The following FLYWCH1 variants were observed in gnomAD, a reference collection of about 807,000 sequenced individuals.
FLYWCH1 encodes FLYWCH-type zinc finger-containing protein 1.
In FLYWCH1, 75 loss-of-function variants were observed where a neutral mutation model predicts 66.4. The ratio of observed to expected loss-of-function variants is 1.13; its 90% CI spans 0.94 to 1.37. The LOEUF (loss-of-function observed/expected upper bound fraction) is 1.37. Among genes scored for constraint, FLYWCH1 ranks in the 40% most tolerant of loss-of-function variants. FLYWCH1 has a pLI of 0.00. For missense variants in FLYWCH1, 1,334 were observed against 1,001.8 expected (o/e 1.33, Z -4.48); for synonymous variants, 595 against 429.9 (o/e 1.38, Z -4.75).
At chr16:2,942,808 G>C (rs2151011770) in intron 9 of FLYWCH1, among the ~76,000 whole-genome samples, 1 of 135,852 alleles carries the variant, frequency 7.4e-6, no homozygotes, top group African/African-American at 2.8e-5. Flanking sequence ...CTCACTGCAA[G>C]ATCACTGTGA....
chr16:2,938,140 C>T (rs766308082), intron 7 of FLYWCH1, 44 bp from the exon 8 acceptor site: 2 of 1,588,846 alleles, frequency 1.3e-6, no homozygotes, highest in Non-Finnish European at 1.7e-6. Context: ...GCCCTGCCAC[C>T]CAGGCCCCTG....
chr16:2,931,694 C>G (rs12446084), intron 4 of FLYWCH1, among the ~76,000 whole-genome samples: 94,261 of 151,874 alleles, frequency 0.62, 30,196 homozygotes, highest in African/African-American at 0.77. Flanking sequence ...CCTAGGCCTG[C>G]TGCAGTGATT....
intron 2 of FLYWCH1, among the ~76,000 whole-genome samples, chr16:2,928,500 A>T (rs778585769): frequency 2.0e-5 from 3 of 152,202 alleles, no homozygotes; most frequent in Non-Finnish European, 4.4e-5. Flanking sequence ...ACTGTCTGCA[A>T]ACATATTGTT....
chr16:2,942,847 G>A (rs1276768396), intron 9 of FLYWCH1, among the ~76,000 whole-genome samples: 4 of 148,614 alleles, frequency 2.7e-5, no homozygotes, highest in African/African-American at 5.0e-5. Context: ...GATTAGAAGT[G>A]CGCACCACCA....
chr16:2,945,482 T>C (rs1395226088), intron 9 of FLYWCH1, among the ~76,000 whole-genome samples: 1 of 71,790 alleles, frequency 1.4e-5, no homozygotes, highest in Non-Finnish European at 2.4e-5. Context: ...CGAGACTCCA[T>C]CTCAAAAAAA....
chr16:2,916,623 C>T (rs570213865), intron 2 of FLYWCH1, among the ~76,000 whole-genome samples: 7 of 151,238 alleles, frequency 4.6e-5, no homozygotes, highest in Admixed American at 2.6e-4. Context: ...GGTGACAGAG[C>T]GAGACTCCAT....
At chr16:2,939,183 C>G (rs958990796) in intron 8 of FLYWCH1, among the ~76,000 whole-genome samples, 1 of 152,176 alleles carries the variant, frequency 6.6e-6, no homozygotes. Context: ...CAGTGGCTCA[C>G]GCCTGTAATC....
Position 2,938,239 on chromosome 16 carries a change from G to C in FLYWCH1, c.1833G>C (p.Val611=). ...CTTCCCTGGGGGGCAGGTTCCTGGT[G>C]CACGAGTCCTTCCTCTACAGGAAGG... ...LRTSLGGRFL[V]HESFLYRKEK... The change falls in exon 8 of 10, where the codon GTG becomes GTC. Residue 611 remains valine, a synonymous_variant. Coordinates refer to ENST00000253928, the MANE Select transcript of FLYWCH1 (RefSeq NM_001308068.2). 1 of 1,613,286 alleles carries C rather than the reference G, an allele frequency of 6.2e-7. No homozygotes were observed. Among genetic ancestry groups the C allele is most frequent in the Non-Finnish European group, 8.5e-7 (1 of 1,179,628 alleles).
intron 2 of FLYWCH1, among the ~76,000 whole-genome samples, chr16:2,924,819 C>T (rs577840756): frequency 4.8e-4 from 73 of 152,348 alleles, no homozygotes; most frequent in African/African-American, 1.7e-3. Context: ...TTCCACAAGC[C>T]GGCGGTCAGG....
chr16:2,945,895 G>C (rs373686335), intron 9 of FLYWCH1, among the ~76,000 whole-genome samples: 1 of 152,018 alleles, frequency 6.6e-6, no homozygotes, highest in African/African-American at 2.4e-5. Flanking sequence ...TACTCGGGAG[G>C]CTGAGGCAGG....
At chr16:2,914,908 CAAA>C (rs555910638) in intron 2 of FLYWCH1, among the ~76,000 whole-genome samples, 2 of 72,698 alleles carry the variant, frequency 2.8e-5, no homozygotes, top group Admixed American at 1.5e-4. Context: ...GACTCTGTCT[CAAA>C]AAAAAAAAAA....
chr16:2,933,111 A>G lies in FLYWCH1; in HGVS notation c.797-19A>G, dbSNP rs1278256489. On this transcript the variant is annotated intron_variant, in intron 4 of 9. Coordinates refer to ENST00000253928, the MANE Select transcript of FLYWCH1 (RefSeq NM_001308068.2). Reference sequence around the variant, plus strand: ...CCTCTCCACCCCTGGTGATGTGACCACTTGGGTCTCTCCTCTAGGACAGGC... The same window carrying G: ...CCTCTCCACCCCTGGTGATGTGACCGCTTGGGTCTCTCCTCTAGGACAGGC... The G allele has an allele frequency of 1.2e-6, 2 of 1,604,826 alleles. No individual in the cohort carries two copies. Among genetic ancestry groups the G allele is most frequent in the Non-Finnish European group, 1.7e-6 (2 of 1,174,742 alleles).
chr16:2,938,203 G>A lies in FLYWCH1; in HGVS notation c.1797G>A (p.Glu599=). Residue 599 remains glutamate, a synonymous_variant, in exon 8 of 10, where the codon GAG becomes GAA. Transcript: ENST00000253928. The stretch of plus-strand genomic sequence containing the variant: ...TTTCAGATCCTCTCCGGCCCCTGGA[G>A]TTCCTGAGGACTTCCCTGGGGGGCA... ...WDSPDPLRPL[E]FLRTSLGGRF... 1 of 1,612,994 alleles carries A rather than the reference G, an allele frequency of 6.2e-7. No homozygotes were observed. Among genetic ancestry groups the A allele is most frequent in the Non-Finnish European group, 8.5e-7 (1 of 1,179,624 alleles).
intron 9 of FLYWCH1, among the ~76,000 whole-genome samples, chr16:2,947,852 G>C (rs11863711): frequency 0.32 from 48,057 of 150,684 alleles, 10,414 homozygotes; most frequent in African/African-American, 0.6. Context: ...GAGCAACACA[G>C]GGAGAACCCC....
intron 9 of FLYWCH1, 200 bp downstream of exon 9, chr16:2,940,292 C>T: frequency 1.9e-6 from 1 of 520,108 alleles, no homozygotes; most frequent in Non-Finnish European, 3.4e-6. Context: ...AGGCTGGAGG[C>T]CCTGCTCCTC....
rs373896357 is a variant in FLYWCH1 at position 2,920,734 on chromosome 16, T to A, written c.-74+6445T>A. On this transcript the variant is annotated intron_variant, in intron 2 of 9. Coordinates refer to ENST00000253928, the MANE Select transcript of FLYWCH1 (RefSeq NM_001308068.2). The stretch of plus-strand genomic sequence containing the variant: ...TTTTGTATTTTTAGTGGAGACGGGG[T>A]TTCTCCATGTTGGTCGGGCTGGTCT... 4.6e-5 allele frequency among the ~76,000 whole-genome samples: 7 copies of A among 151,416 alleles called. No individual in the cohort carries two copies. In the East Asian group the frequency reaches 9.7e-4, roughly 21 times the overall value.
intron 5 of FLYWCH1, 21 bp from the exon 6 acceptor site, chr16:2,933,695 C>G: frequency 6.2e-7 from 1 of 1,604,270 alleles, no homozygotes; most frequent in Non-Finnish European, 8.5e-7. Flanking sequence ...CCTCCCCTGA[C>G]TGCCTCTTGA....
Position 2,940,099 on chromosome 16 carries a change from G to C in FLYWCH1, c.2111+7G>C, listed in dbSNP as rs916117554. Reference sequence around the variant, plus strand: ...AAAGCCAGCAGATTTATGGGTAATTGTATTTGTTATCTAATGGTGCATGAC... The same window carrying C: ...AAAGCCAGCAGATTTATGGGTAATTCTATTTGTTATCTAATGGTGCATGAC... On this transcript the variant is annotated splice_region_variant and intron_variant, in intron 9 of 9. Transcript: ENST00000253928. The C allele has an allele frequency of 1.6e-6, 2 of 1,232,502 alleles. No homozygotes were observed. The highest frequency in any genetic ancestry group is 2.4e-6 in the Non-Finnish European group (2 of 833,684). The allele number at this position is 1,232,502 out of a possible 1,614,324, so 76.3% of individuals were successfully genotyped here. A position where few individuals can be genotyped will look rare whatever the true frequency, so the allele number is the denominator to read the frequency against.
At chr16:2,927,282 CAG>C (rs1357360364) in intron 2 of FLYWCH1, among the ~76,000 whole-genome samples, 5 of 152,272 alleles carry the variant, frequency 3.3e-5, no homozygotes, top group Middle Eastern at 3.4e-3. Context: ...AGCTAGAAAA[CAG>C]GGAGATCTTG....
Sources: allele counts gnomAD v4.1 joint callset (sites outside exome capture counted in the v4.1 genomes callset), GRCh38; gene constraint gnomAD v4.1.1; transcripts MANE v1.5; gene names NCBI Gene and HGNC (gene_info 2026-07-23, HGNC 2026-07-21).